Variants in CACNA2D1 observed in about 807,000 individuals in gnomAD.
The protein encoded by CACNA2D1 is calcium voltage-gated channel auxiliary subunit alpha2delta 1.
CACNA2D1 carries 53 observed loss-of-function variants against 171.5 expected under a neutral mutation model. The ratio of observed to expected loss-of-function variants is 0.31; its 90% CI spans 0.25 to 0.39. CACNA2D1 has a LOEUF of 0.39. Among genes scored for constraint, CACNA2D1 ranks in the 10% least tolerant of loss-of-function variants. CACNA2D1 has a pLI of 1.00. For synonymous variants in CACNA2D1, 442 were observed against 443.1 expected (o/e 1.00, Z 0.03); for missense variants, 903 against 1,299.8 (o/e 0.69, Z 4.69).
At chr7:82,114,760 GAAAAAAAAAA>G (rs34240770) in intron 6 of CACNA2D1, among the ~76,000 whole-genome samples, 1 of 103,112 alleles carries the variant, frequency 9.7e-6, no homozygotes, top group African/African-American at 3.4e-5. Flanking sequence ...CGTCCCAGAA[GAAAAAAAAAA>G]AAAAAAAAAG....
chr7:82,443,662 G>T lies in CACNA2D1; in HGVS notation c.-203C>A. 2.4e-6 allele frequency: 3 copies of T among 1,275,610 alleles called. No individual in the cohort carries two copies. Among genetic ancestry groups the T allele is most frequent in the Non-Finnish European group, 2.9e-6 (3 of 1,018,204 alleles). 79.0% of individuals were successfully genotyped at this position (1,275,610 alleles called of 1,614,324 possible). On this transcript the variant is annotated 5_prime_UTR_variant, in exon 1 of 39. Coordinates refer to ENST00000356860, the MANE Select transcript of CACNA2D1 (RefSeq NM_000722.4). ...CGCCGAGGAAGGGGCGGTGGCGGGC[G>T]GACCCACTAGCGTGCGTCGGCTGCT... is the stretch of plus-strand genomic sequence containing the variant.
chr7:82,117,784 TAAATAAAC>T (rs1789252672), intron 5 of CACNA2D1, among the ~76,000 whole-genome samples: 1 of 150,306 alleles, frequency 6.7e-6, no homozygotes, highest in Non-Finnish European at 1.5e-5. Context: ...CTGCCTCAAA[TAAATAAAC>T]AAACAAACAA....
At chr7:82,139,898 C>T (rs1016505036) in intron 4 of CACNA2D1, among the ~76,000 whole-genome samples, 1 of 151,182 alleles carries the variant, frequency 6.6e-6, no homozygotes, top group African/African-American at 2.4e-5. Flanking sequence ...AATTCTCCTG[C>T]CTCAGCCTTC....
At chr7:82,146,431 T>TAAAG (rs1793087667) in intron 4 of CACNA2D1, among the ~76,000 whole-genome samples, 1 of 127,816 alleles carries the variant, frequency 7.8e-6, no homozygotes, top group Non-Finnish European at 1.8e-5. Context: ...TACATATACA[T>TAAAG]ATTTATATTT....
intron 24 of CACNA2D1, among the ~76,000 whole-genome samples, chr7:81,979,303 T>TA (rs146042784): frequency 0.095 from 14,336 of 151,328 alleles, 717 homozygotes; most frequent in Middle Eastern, 0.2. Context: ...CTTTGAATTG[T>TA]AAAAAAAAAT....
chr7:82,258,669 C>T (rs978719310), intron 3 of CACNA2D1, among the ~76,000 whole-genome samples: 3 of 152,046 alleles, frequency 2.0e-5, no homozygotes, highest in African/African-American at 7.2e-5. Flanking sequence ...ATTAATCATG[C>T]CTCTGTCTTC....
intron 1 of CACNA2D1, among the ~76,000 whole-genome samples, chr7:82,400,762 A>C (rs1225858356): frequency 6.6e-6 from 1 of 151,312 alleles, no homozygotes; most frequent in Non-Finnish European, 1.5e-5. Context: ...ATCAGAGTGA[A>C]CAGGCAACCT....
intron 3 of CACNA2D1, among the ~76,000 whole-genome samples, chr7:82,284,687 G>C (rs1016996620): frequency 1.3e-5 from 2 of 152,098 alleles, no homozygotes; most frequent in African/African-American, 4.8e-5. Context: ...AGCGCTAATG[G>C]CATCCAGGAG....
At chr7:82,227,474 A>G (rs1286522263) in intron 3 of CACNA2D1, among the ~76,000 whole-genome samples, 1 of 152,224 alleles carries the variant, frequency 6.6e-6, no homozygotes, top group Non-Finnish European at 1.5e-5. Flanking sequence ...TAGTTTAGGA[A>G]GCTATTAAAA....
chr7:82,236,332 G>A (rs1318462102), intron 3 of CACNA2D1, among the ~76,000 whole-genome samples: 3 of 152,040 alleles, frequency 2.0e-5, no homozygotes, highest in Non-Finnish European at 1.5e-5. Flanking sequence ...GGAAACCAGA[G>A]GGTGATTCCA....
At position 82,436,282 on chromosome 7, in the gene CACNA2D1, T is replaced by C. The variant is rs188117578; in HGVS notation, c.95+7083A>G. On this transcript the variant is annotated intron_variant, in intron 1 of 38. Coordinates refer to ENST00000356860, the MANE Select transcript of CACNA2D1 (RefSeq NM_000722.4). ...ATTTATTTAGAAGCCTAGTTTTAAGTATACTACCTAGAAGGCTGCTTACCT... is the reference window on the plus strand; with the variant it reads ...ATTTATTTAGAAGCCTAGTTTTAAGCATACTACCTAGAAGGCTGCTTACCT... Among the ~76,000 whole-genome samples the C allele has an allele frequency of 1.3e-4, 20 of 152,302 alleles. No individual in the cohort carries two copies. The East Asian group carries it at 3.5e-3, about 26-fold the overall frequency.
chr7:82,370,992 A>G (rs572213258), intron 1 of CACNA2D1, among the ~76,000 whole-genome samples: 5 of 152,352 alleles, frequency 3.3e-5, no homozygotes, highest in African/African-American at 1.2e-4. Context: ...TTCTATATGC[A>G]GTCACACAAG....
chr7:82,443,706 G>T lies in CACNA2D1; in HGVS notation c.-247C>A. On this transcript the variant is annotated 5_prime_UTR_variant, in exon 1 of 39. Coordinates refer to ENST00000356860, the MANE Select transcript of CACNA2D1 (RefSeq NM_000722.4). ...GGCTGCTCCGCGCCGCGGCCGCCTT[G>T]CCTCCGCCGCCATCAAGGGCGACTT... 1 of 1,235,832 alleles carries T rather than the reference G, an allele frequency of 8.1e-7. No individual in the cohort carries two copies. The highest frequency in any genetic ancestry group is 3.1e-4 in the Middle Eastern group (1 of 3,234). 76.6% of individuals were successfully genotyped at this position (1,235,832 alleles called of 1,614,324 possible).
At chr7:82,366,854 T>C (rs1821781086) in intron 1 of CACNA2D1, among the ~76,000 whole-genome samples, 1 of 149,966 alleles carries the variant, frequency 6.7e-6, no homozygotes. Flanking sequence ...CAATAATGTA[T>C]AAGTGGCCCC....
chr7:82,104,137 C>T (rs1813030141), intron 6 of CACNA2D1, among the ~76,000 whole-genome samples: 1 of 151,946 alleles, frequency 6.6e-6, no homozygotes, highest in Admixed American at 6.6e-5. Flanking sequence ...AATTAATTTG[C>T]ATTTGAGCAA....
In CACNA2D1 at chr7:81,950,337, G is replaced by C. The variant is rs201437426; in HGVS notation, c.*55C>G. 1.9e-6 allele frequency: 3 copies of C among 1,612,492 alleles called. No individual in the cohort carries two copies. The highest frequency in any genetic ancestry group is 2.5e-6 in the Non-Finnish European group (3 of 1,179,018). On this transcript the variant is annotated 3_prime_UTR_variant, in exon 39 of 39. Coordinates refer to ENST00000356860, the MANE Select transcript of CACNA2D1 (RefSeq NM_000722.4). ...CTACGTTACTGTAATTGAGGGCAGG[G>C]CTCATGTTTTGGCAGGGTCTGGAGT...
intron 7 of CACNA2D1, among the ~76,000 whole-genome samples, chr7:82,078,094 C>A (rs1437722052): frequency 6.6e-6 from 1 of 151,972 alleles, no homozygotes; most frequent in Non-Finnish European, 1.5e-5. Flanking sequence ...GAAATAGCAA[C>A]AAGAAGATGT....
intron 3 of CACNA2D1, among the ~76,000 whole-genome samples, chr7:82,195,852 G>A (rs906152970): frequency 5.3e-5 from 8 of 151,936 alleles, no homozygotes; most frequent in African/African-American, 1.9e-4. Context: ...GATAGATAAT[G>A]GCAGAAAGGG....
chr7:82,245,769 T>C (rs1303619002), intron 3 of CACNA2D1, among the ~76,000 whole-genome samples: 1 of 152,108 alleles, frequency 6.6e-6, no homozygotes, highest in East Asian at 1.9e-4. Context: ...TAGGAGAAAC[T>C]GGTAACATTA....
Sources: allele counts gnomAD v4.1 joint callset (sites outside exome capture counted in the v4.1 genomes callset), GRCh38; gene constraint gnomAD v4.1.1; transcripts MANE v1.5; gene names NCBI Gene and HGNC (gene_info 2026-07-23, HGNC 2026-07-21).